The following COL19A1 variants were observed in gnomAD, a reference collection of about 807,000 sequenced individuals.
COL19A1 encodes collagen alpha-1(XIX) chain.
In COL19A1, 159 loss-of-function variants were observed where a neutral mutation model predicts 190.2. The observed-to-expected ratio is 0.84, with a 90% CI of 0.73 to 0.95. COL19A1 has a LOEUF of 0.95. COL19A1 is among the 40% of genes least tolerant of loss of function. The pLI is 0.00. For synonymous variants in COL19A1, 509 were observed against 458.9 expected, an observed-to-expected ratio of 1.11 and a Z score of -1.39; for missense variants, 1,418 against 1,431.9, an observed-to-expected ratio of 0.99 and a Z score of 0.16.
At chr6:70,118,839 A>T (rs60415405) in intron 16 of COL19A1, among the ~76,000 whole-genome samples, 39,005 of 151,994 alleles carry the variant, frequency 0.26, 5,483 homozygotes, top group South Asian at 0.41. Context: ...TTGTTTTTAG[A>T]GGGAGCAGCT....
chr6:70,132,318 G>A (rs1318412926), intron 18 of COL19A1, among the ~76,000 whole-genome samples: 1 of 152,058 alleles, frequency 6.6e-6, no homozygotes, highest in African/African-American at 2.4e-5. Context: ...AGGATCACTT[G>A]GAGCCAGGAG....
chr6:69,979,456 T>C (rs1775914220), intron 11 of COL19A1, among the ~76,000 whole-genome samples: 1 of 151,900 alleles, frequency 6.6e-6, no homozygotes, highest in Non-Finnish European at 1.5e-5. Context: ...TTTGATAATA[T>C]GCAATATTCA....
intron 14 of COL19A1, among the ~76,000 whole-genome samples, chr6:70,055,515 C>T (rs900720996): frequency 1.3e-5 from 2 of 151,912 alleles, no homozygotes; most frequent in Admixed American, 1.3e-4. Context: ...GGCCTGGTGG[C>T]TCATGCTTGT....
At chr6:69,935,332 C>T (rs781154001) in intron 7 of COL19A1, among the ~76,000 whole-genome samples, 1 of 146,998 alleles carries the variant, frequency 6.8e-6, no homozygotes, top group Non-Finnish European at 1.5e-5. Context: ...TATGGTGAAG[C>T]CTGAGACATA....
chr6:70,059,887 CAT>C (rs1323137426), intron 14 of COL19A1: 3 of 374,012 alleles, frequency 8.0e-6, no homozygotes, highest in African/African-American at 4.3e-5. Context: ...AAGTAGAAAA[CAT>C]TGATAGGCAT....
At chr6:70,164,594 G>A (rs1788013565) in intron 36 of COL19A1, among the ~76,000 whole-genome samples, 1 of 152,092 alleles carries the variant, frequency 6.6e-6, no homozygotes, top group African/African-American at 2.4e-5. Context: ...AAATTATTCA[G>A]TCATAGACTT....
intron 16 of COL19A1, among the ~76,000 whole-genome samples, chr6:70,112,476 T>C (rs2150200584): frequency 6.6e-6 from 1 of 152,238 alleles, no homozygotes; most frequent in African/African-American, 2.4e-5. Flanking sequence ...ATAAGCAGAA[T>C]AGCAGCATTA....
chr6:69,938,160 ATGTGT>A, intron 9 of COL19A1, 60 bp downstream of exon 9: 1 of 1,486,042 alleles, frequency 6.7e-7, no homozygotes, highest in East Asian at 2.3e-5. Flanking sequence ...TGACTTAAAA[ATGTGT>A]TCATCTCATT....
intron 11 of COL19A1, among the ~76,000 whole-genome samples, chr6:69,969,467 C>A (rs373337379): frequency 6.6e-6 from 1 of 151,928 alleles, no homozygotes; most frequent in South Asian, 2.1e-4. Context: ...CCTGTGTTAT[C>A]GGCAGGTTGT....
intron 7 of COL19A1, 116 bp downstream of exon 7, chr6:69,932,979 G>A (rs931949909): frequency 7.1e-6 from 4 of 564,108 alleles, no homozygotes; most frequent in Non-Finnish European, 1.2e-5. Context: ...AAGCCAGGTG[G>A]GTAATTTATT....
At chr6:69,971,892 G>A (rs987692749) in intron 11 of COL19A1, among the ~76,000 whole-genome samples, 3 of 151,990 alleles carry the variant, frequency 2.0e-5, no homozygotes, top group African/African-American at 7.3e-5. Context: ...TCCAAATTAT[G>A]GTCAGATGCA....
intron 16 of COL19A1, among the ~76,000 whole-genome samples, chr6:70,118,544 A>G (rs970912708): frequency 3.9e-5 from 6 of 152,180 alleles, no homozygotes; most frequent in Admixed American, 6.5e-5. Context: ...TTAAACTTGC[A>G]ATTTGTGGTA....
At chr6:70,190,936 C>T (rs551372481) in intron 48 of COL19A1, among the ~76,000 whole-genome samples, 16 of 152,184 alleles carry the variant, frequency 1.1e-4, no homozygotes, top group Non-Finnish European at 1.6e-4. Flanking sequence ...TATTTTTAAA[C>T]GGTTTTTAAA....
chr6:69,914,127 G>T (rs1433269805), intron 4 of COL19A1, among the ~76,000 whole-genome samples: 3 of 152,108 alleles, frequency 2.0e-5, no homozygotes, highest in African/African-American at 7.2e-5. Flanking sequence ...ATGCCACATT[G>T]AACTAGTGCT....
At chr6:70,104,984 C>T (rs1783865324) in intron 16 of COL19A1, among the ~76,000 whole-genome samples, 1 of 152,088 alleles carries the variant, frequency 6.6e-6, no homozygotes, top group Admixed American at 6.6e-5. Context: ...TTCAATTCCG[C>T]AGACTTTAGT....
chr6:69,919,183 G>T (rs1286826181), intron 4 of COL19A1, among the ~76,000 whole-genome samples: 3 of 152,098 alleles, frequency 2.0e-5, no homozygotes, highest in Admixed American at 2.0e-4. Flanking sequence ...TTCCCTCTTA[G>T]AACTTTGCTT....
At chr6:70,120,145 T>G (rs891377596) in intron 16 of COL19A1, among the ~76,000 whole-genome samples, 7 of 152,308 alleles carry the variant, frequency 4.6e-5, no homozygotes, top group African/African-American at 1.7e-4. Flanking sequence ...TCTGCTACTC[T>G]ATTTGGGAGA....
At chr6:70,164,513 C>T (rs1788007504) in intron 36 of COL19A1, among the ~76,000 whole-genome samples, 1 of 152,280 alleles carries the variant, frequency 6.6e-6, no homozygotes, top group African/African-American at 2.4e-5. Flanking sequence ...ATAGTCTCTG[C>T]ACATTTTTTT....
rs561209470 is a variant in COL19A1, at chr6:70,045,910, C to T, written c.1170+9971C>T. On this transcript the variant is annotated intron_variant, in intron 14 of 50. Transcript: ENST00000620364. ...CTGACTCCATGCTGTTTAATTTTTC[C>T]AAATGTTGACTCCCCTCCAGTATCT... is the stretch of plus-strand genomic sequence containing the variant. Among the ~76,000 whole-genome samples, 6 of 152,222 alleles carry T rather than the reference C, an allele frequency of 3.9e-5. No homozygotes were observed. In the East Asian group the frequency reaches 1.2e-3, roughly 29 times the overall value.
Sources: allele counts gnomAD v4.1 joint callset (sites outside exome capture counted in the v4.1 genomes callset), GRCh38; gene constraint gnomAD v4.1.1; transcripts MANE v1.5; gene names NCBI Gene and HGNC (gene_info 2026-07-23, HGNC 2026-07-21).